The following SLC44A1 variants were observed in gnomAD, a reference collection of about 807,000 sequenced individuals.
SLC44A1 encodes choline transporter-like protein 1.
SLC44A1 carries 26 observed loss-of-function variants against 79.3 expected under a neutral mutation model. The observed-to-expected ratio is 0.33, with a 90% CI of 0.24 to 0.46. The LOEUF is 0.46. Ranked by LOEUF, SLC44A1 falls within the 20% of genes least tolerant of loss-of-function variation. The probability of loss-of-function intolerance (pLI) is 1.00; values close to 1 mark genes in which losing one functional copy is unlikely to be tolerated. For missense variants in SLC44A1, 688 were observed against 798.1 expected (o/e 0.86, Z 1.66); for synonymous variants, 263 against 286.2 (o/e 0.92, Z 0.82).
At chr9:105,368,597 C>T (rs1828010074) in intron 12 of SLC44A1, among the ~76,000 whole-genome samples, 1 of 152,136 alleles carries the variant, frequency 6.6e-6, no homozygotes, top group African/African-American at 2.4e-5. Context: ...CACACTGCTG[C>T]CATTATATCA....
rs1828874880 is a variant in SLC44A1 at position 105,396,378 on chromosome 9, G to A, written c.*7322G>A. The A allele has an allele frequency of 1.0e-6, 1 of 985,322 alleles. No homozygotes were observed. Among genetic ancestry groups the A allele is most frequent in the South Asian group, 4.7e-5 (1 of 21,288 alleles). 61.0% of individuals were successfully genotyped at this position (985,322 alleles called of 1,614,324 possible). A position where few individuals can be genotyped will look rare whatever the true frequency, so the allele number is the denominator to read the frequency against. Reference sequence around the variant, plus strand: ...AAGTGTGAAGGGCATCAAGCAAAATGACAGGGGCTTCAAAAAACAACCAAA... The same window carrying A: ...AAGTGTGAAGGGCATCAAGCAAAATAACAGGGGCTTCAAAAAACAACCAAA... On this transcript the variant is annotated 3_prime_UTR_variant, in exon 16 of 16. Coordinates refer to ENST00000374720, the MANE Select transcript of SLC44A1 (RefSeq NM_080546.5).
chr9:105,276,202 A>T (rs947164848), intron 1 of SLC44A1, among the ~76,000 whole-genome samples: 1 of 152,192 alleles, frequency 6.6e-6, no homozygotes, highest in African/African-American at 2.4e-5. Context: ...GCAGCTTAAT[A>T]AATCTCTTGA....
In SLC44A1 at chr9:105,389,183, A is replaced by C. The variant is rs1828703151; in HGVS notation, c.*127A>C. On this transcript the variant is annotated 3_prime_UTR_variant, in exon 16 of 16. Coordinates refer to ENST00000374720, the MANE Select transcript of SLC44A1 (RefSeq NM_080546.5). ...TGTGTATATATGTATATGTATATAC[A>C]CACACACACATAAATCAGCCAAAAT... 7.2e-7 allele frequency: 1 copy of C among 1,390,856 alleles called. No individual in the cohort carries two copies. Among genetic ancestry groups the C allele is most frequent in the African/African-American group, 1.4e-5 (1 of 69,500 alleles). 86.2% of individuals were successfully genotyped at this position (1,390,856 alleles called of 1,614,324 possible). A position where few individuals can be genotyped will look rare whatever the true frequency, so the allele number is the denominator to read the frequency against.
At chr9:105,348,098 C>T (rs1588811946) in intron 4 of SLC44A1, among the ~76,000 whole-genome samples, 2 of 152,018 alleles carry the variant, frequency 1.3e-5, no homozygotes, top group East Asian at 3.9e-4. Context: ...GAGAACCTGA[C>T]ACTCAATAAA....
chr9:105,411,413 T>G (rs1829092413), intron 15 of SLC44A1, among the ~76,000 whole-genome samples: 1 of 151,404 alleles, frequency 6.6e-6, no homozygotes, highest in Non-Finnish European at 1.5e-5. Flanking sequence ...TCTGTCTCCA[T>G]TTCTCTCTGT....
intron 1 of SLC44A1, among the ~76,000 whole-genome samples, chr9:105,258,737 G>C (rs1588707253): frequency 6.6e-6 from 1 of 152,276 alleles, no homozygotes; most frequent in South Asian, 2.1e-4. Flanking sequence ...GCCTAGGCTG[G>C]AGTGCAGCGG....
At position 105,356,338 on chromosome 9, in the gene SLC44A1, G is replaced by A. The variant is rs761961178; in HGVS notation, c.627G>A (p.Met209Ile). ...TACACAGGCTGATTAGTGGAGTAAT[G>A]ACCAGCAAAGAAATTATATTGGGAC... ...SVLHRLISGVMTSKEIILGLC... is the reference protein window; with the variant it reads ...SVLHRLISGVITSKEIILGLC... Residue 209 changes from methionine (M) to isoleucine (I), a missense_variant, in exon 6 of 16, where the codon ATG becomes ATA. Physicochemically the swap from Met to Ile is conservative, Grantham distance 10. Transcript: ENST00000374720. 7 of 1,607,302 alleles carry A rather than the reference G, an allele frequency of 4.4e-6. No individual in the cohort carries two copies. In the African/African-American group the frequency reaches 9.4e-5, roughly 22 times the overall value.
Position 105,331,536 on chromosome 9 carries a change from C to T in SLC44A1, c.270-4027C>T, listed in dbSNP as rs140103034. Among the ~76,000 whole-genome samples, 483 of 152,180 alleles carry T rather than the reference C, an allele frequency of 3.2e-3. 3 individuals are homozygous for T. The highest frequency in any genetic ancestry group is 0.011 in the African/African-American group (462 of 41,504). ...AAAACTAATGTAAGCATTTATTTAC[C>T]TGGTTAAGGACATTTTCCAATCAAA... On this transcript the variant is annotated intron_variant, in intron 3 of 15. Transcript: ENST00000374720.
At chr9:105,386,288 A>T (rs948859957) in intron 15 of SLC44A1, 13 of 953,382 alleles carry the variant, frequency 1.4e-5, no homozygotes, top group Non-Finnish European at 1.6e-5. Flanking sequence ...CCTCTATCAT[A>T]TATTGGTCTA....
At chr9:105,345,773 A>G (rs1039896978) in intron 4 of SLC44A1, among the ~76,000 whole-genome samples, 2 of 152,152 alleles carry the variant, frequency 1.3e-5, no homozygotes, top group South Asian at 2.1e-4. Context: ...TTTATACACT[A>G]AAGTTAGGTT....
chr9:105,357,643 C>T (rs565080294), intron 6 of SLC44A1, among the ~76,000 whole-genome samples: 1 of 152,226 alleles, frequency 6.6e-6, no homozygotes, highest in East Asian at 1.9e-4. Context: ...GATTATAGCA[C>T]ATCGGATTTA....
chr9:105,270,723 A>G (rs1201065425), intron 1 of SLC44A1, among the ~76,000 whole-genome samples: 4 of 152,068 alleles, frequency 2.6e-5, no homozygotes, highest in Non-Finnish European at 4.4e-5. Flanking sequence ...TCATCACCTG[A>G]AATCATTATC....
At chr9:105,429,204 C>T (rs1829360756) in intron 15 of SLC44A1, among the ~76,000 whole-genome samples, 1 of 152,194 alleles carries the variant, frequency 6.6e-6, no homozygotes, top group Non-Finnish European at 1.5e-5. Context: ...CGTATCTTGC[C>T]TTAAAAGGAA....
chr9:105,275,890 C>T (rs1192590149), intron 1 of SLC44A1, among the ~76,000 whole-genome samples: 1 of 151,886 alleles, frequency 6.6e-6, no homozygotes, highest in Non-Finnish European at 1.5e-5. Flanking sequence ...CTGCAATCTC[C>T]GCCTCCTGGG....
chr9:105,300,212 C>CT (rs1830841454), intron 2 of SLC44A1, among the ~76,000 whole-genome samples: 1 of 152,216 alleles, frequency 6.6e-6, no homozygotes, highest in Non-Finnish European at 1.5e-5. Flanking sequence ...GAGCTGAGAA[C>CT]AGAGCCCAGG....
At position 105,364,446 on chromosome 9, in the gene SLC44A1, T is replaced by A. The variant is rs1404621421; in HGVS notation, c.1088-109T>A. ...GTCCCTTTATGAAATACCACACAGA[T>A]CAGAAGGTTTGTGGCTTGGGGTAGG... On this transcript the variant is annotated intron_variant, in intron 9 of 15. Transcript: ENST00000374720. 3 of 824,008 alleles carry A rather than the reference T, an allele frequency of 3.6e-6. No individual in the cohort carries two copies. The African/African-American group carries it at 5.1e-5, about 14-fold the overall frequency. The allele number at this position is 824,008 out of a possible 1,614,324, so 51.0% of individuals were successfully genotyped here. A position where few individuals can be genotyped will look rare whatever the true frequency, so the allele number is the denominator to read the frequency against.
intron 2 of SLC44A1, among the ~76,000 whole-genome samples, chr9:105,305,266 G>A (rs1459264250): frequency 6.6e-6 from 1 of 151,690 alleles, no homozygotes; most frequent in Admixed American, 6.6e-5. Context: ...CACTGCTCCT[G>A]GCCTCATTCT....
chr9:105,281,677 G>A (rs1354986285), intron 1 of SLC44A1, among the ~76,000 whole-genome samples: 1 of 152,198 alleles, frequency 6.6e-6, no homozygotes, highest in East Asian at 1.9e-4. Flanking sequence ...TACAGTGGAT[G>A]ACTACTAGCT....
intron 9 of SLC44A1, among the ~76,000 whole-genome samples, chr9:105,363,613 C>T (rs1423733868): frequency 2.0e-4 from 30 of 148,914 alleles, no homozygotes; most frequent in African/African-American, 6.0e-4. Flanking sequence ...TACAGGTATG[C>T]ACCACCATGC....
Sources: gnomAD v4.1 joint callset for allele counts (sites outside exome capture counted in the v4.1 genomes callset) on GRCh38, gnomAD v4.1.1 for gene constraint, MANE v1.5 for transcripts, NCBI Gene and HGNC (gene_info 2026-07-23, HGNC 2026-07-21) for gene names.